Variants in CIDEA observed in about 807,000 individuals in gnomAD.
The protein encoded by CIDEA is cell death inducing DFFA like effector a, also known as lipid transferase CIDEA.
In CIDEA, 10 loss-of-function variants were observed where a neutral mutation model predicts 18.2. That is an observed-to-expected ratio of 0.55 (90% CI 0.34 to 0.93). CIDEA has a LOEUF of 0.93. CIDEA is among the 40% of genes least tolerant of loss of function. The pLI, the probability that CIDEA is intolerant of heterozygous loss-of-function variation, is 0.02. For synonymous variants in CIDEA, 128 were observed against 124.8 expected (o/e 1.03, Z -0.17); for missense variants, 309 against 293.1 (o/e 1.05, Z -0.40).
chr18:12,263,688 G>A (rs1441639056), intron 2 of CIDEA: 1 of 152,148 alleles, frequency 6.6e-6, no homozygotes, highest in Non-Finnish European at 1.5e-5. Context: ...CACCAAATAA[G>A]GAAGAATCCC....
chr18:12,270,902 T>C (rs1425549695), intron 3 of CIDEA, among the ~76,000 whole-genome samples: 10 of 136,962 alleles, frequency 7.3e-5, no homozygotes, highest in East Asian at 6.4e-4. Context: ...TTCTTTTTTT[T>C]TTTTTTTTTT....
intron 1 of CIDEA, chr18:12,254,871 C>G (rs757990835): frequency 4.5e-5 from 60 of 1,324,382 alleles, no homozygotes; most frequent in Non-Finnish European, 5.7e-5. Context: ...GAGCTGGGCG[C>G]GGGAGGGGCC....
chr18:12,267,648 C>A (rs1039303803), intron 3 of CIDEA, among the ~76,000 whole-genome samples: 1 of 152,184 alleles, frequency 6.6e-6, no homozygotes, highest in African/African-American at 2.4e-5. Flanking sequence ...CAAGCCACCA[C>A]CACGCCTGGC....
At chr18:12,274,536 G>A (rs1424998752) in intron 4 of CIDEA, among the ~76,000 whole-genome samples, 1 of 152,132 alleles carries the variant, frequency 6.6e-6, no homozygotes, top group East Asian at 1.9e-4. Context: ...ATATAAAGAG[G>A]AACCACATTC....
At chr18:12,258,591 C>T (rs1912103223) in intron 1 of CIDEA, among the ~76,000 whole-genome samples, 1 of 152,216 alleles carries the variant, frequency 6.6e-6, no homozygotes, top group Non-Finnish European at 1.5e-5. Context: ...AAGAGGGGCT[C>T]TTTCTCGCTG....
intron 1 of CIDEA, among the ~76,000 whole-genome samples, chr18:12,262,285 G>T (rs1912215163): frequency 6.6e-6 from 1 of 152,174 alleles, no homozygotes; most frequent in Non-Finnish European, 1.5e-5. Context: ...TCCAGCCACA[G>T]TTCTAAGGGT....
At chr18:12,262,713 T>A (rs1389199420) in intron 1 of CIDEA, 112 bp from the exon 2 acceptor site, 2 of 1,046,386 alleles carry the variant, frequency 1.9e-6, no homozygotes, top group Non-Finnish European at 2.8e-6. Context: ...TCCCAACAAC[T>A]GAATTTCTTT....
At chr18:12,276,777 G>A (rs1352374734) in intron 4 of CIDEA, among the ~76,000 whole-genome samples, 1 of 152,204 alleles carries the variant, frequency 6.6e-6, no homozygotes, top group African/African-American at 2.4e-5. Context: ...CACCTGTGCG[G>A]GTGCGGCCAT....
In CIDEA at chr18:12,277,463, G is replaced by T. The variant is rs182617945; in HGVS notation, c.*193G>T. On this transcript the variant is annotated 3_prime_UTR_variant, in exon 5 of 5. Coordinates refer to ENST00000320477, the MANE Select transcript of CIDEA (RefSeq NM_001279.4). The stretch of plus-strand genomic sequence containing the variant: ...GGGGGCAGTGGGCAGGGTGCCCTGG[G>T]GGGGAGGCATAGAGGGCCCTGGGGG... The T allele has an allele frequency of 1.6e-5, 10 of 640,716 alleles. No individual in the cohort carries two copies. The highest frequency in any genetic ancestry group is 4.4e-4 in the Middle Eastern group (1 of 2,294). The allele number at this position is 640,716 out of a possible 1,614,324, so 39.7% of individuals were successfully genotyped here.
In CIDEA at chr18:12,274,177, A is replaced by G. The variant is rs530879900; in HGVS notation, c.415A>G (p.Lys139Glu). 1.9e-6 allele frequency: 3 copies of G among 1,614,222 alleles called. No individual in the cohort carries two copies. The highest frequency in any genetic ancestry group is 4.5e-5 in the East Asian group (2 of 44,880). ...VTFDLYRLNP[K>E]DFIGCLNVKA... ...CTTCGACTTGTACAGGCTGAACCCCAAGGACTTCATCGGCTGCCTTAACGT... is the reference window on the plus strand; with the variant it reads ...CTTCGACTTGTACAGGCTGAACCCCGAGGACTTCATCGGCTGCCTTAACGT... The change falls in exon 4 of 5, where the codon AAG becomes GAG. Residue 139 changes from lysine to glutamate, a missense_variant. Coordinates refer to ENST00000320477, the MANE Select transcript of CIDEA (RefSeq NM_001279.4).
At chr18:12,254,934 A>G (rs2144052372) in intron 1 of CIDEA, 1 of 1,235,222 alleles carries the variant, frequency 8.1e-7, no homozygotes, top group African/African-American at 1.6e-5. Flanking sequence ...GGGAGGCCCC[A>G]ACCGTCCGGC....
chr18:12,262,817 AT>A lies in CIDEA; in HGVS notation c.39-4del. ...TTAAAAAGTTTTACTTTTCACCTCC[AT>A]TTTCAGGCCCCTGACATTTATGGGA... is the stretch of plus-strand genomic sequence containing the variant. On this transcript the variant is annotated splice_polypyrimidine_tract_variant and splice_region_variant and intron_variant, in intron 1 of 4. Coordinates refer to ENST00000320477, the MANE Select transcript of CIDEA (RefSeq NM_001279.4). 1 of 1,607,768 alleles carries A rather than the reference AT, an allele frequency of 6.2e-7. No homozygotes were observed. The highest frequency in any genetic ancestry group is 8.5e-7 in the Non-Finnish European group (1 of 1,174,840).
In CIDEA at chr18:12,277,346, T is replaced by C; in HGVS notation, c.*76T>C. 1 of 1,537,996 alleles carries C rather than the reference T, an allele frequency of 6.5e-7. No homozygotes were observed. The highest frequency in any genetic ancestry group is 8.9e-7 in the Non-Finnish European group (1 of 1,124,152). On this transcript the variant is annotated 3_prime_UTR_variant, in exon 5 of 5. Coordinates refer to ENST00000320477, the MANE Select transcript of CIDEA (RefSeq NM_001279.4). Reference sequence around the variant, plus strand: ...TCAATGACGAATGTTGAAGATGCTTTTATGTTCTGAGCCACATGCACTTGG... The same window carrying C: ...TCAATGACGAATGTTGAAGATGCTTCTATGTTCTGAGCCACATGCACTTGG...
intron 3 of CIDEA, 92 bp downstream of exon 3, chr18:12,264,545 TC>T: frequency 1.1e-6 from 1 of 920,874 alleles, no homozygotes. Flanking sequence ...TTGTCCACTT[TC>T]TTTCTTTTTT....
At chr18:12,269,497 C>T (rs1407907899) in intron 3 of CIDEA, among the ~76,000 whole-genome samples, 1 of 152,216 alleles carries the variant, frequency 6.6e-6, no homozygotes. Flanking sequence ...TTGGCCTCCT[C>T]TGTTACAGTG....
intron 1 of CIDEA, chr18:12,254,657 T>G (rs2144051435): frequency 6.6e-7 from 1 of 1,526,018 alleles, no homozygotes; most frequent in Non-Finnish European, 8.8e-7. Flanking sequence ...CTCACCCTCT[T>G]GCAGCTGGGC....
chr18:12,264,802 C>T (rs1375942488), intron 3 of CIDEA, among the ~76,000 whole-genome samples: 4 of 152,218 alleles, frequency 2.6e-5, no homozygotes, highest in Non-Finnish European at 5.9e-5. Flanking sequence ...ATCCGCCCGC[C>T]TCTGCCTCCC....
chr18:12,262,481 C>A (rs1194805662), intron 1 of CIDEA, among the ~76,000 whole-genome samples: 1 of 152,196 alleles, frequency 6.6e-6, no homozygotes, highest in African/African-American at 2.4e-5. Flanking sequence ...CACTAGAAAT[C>A]ATTCTTTTGG....
At chr18:12,270,958 G>A (rs1165143799) in intron 3 of CIDEA, among the ~76,000 whole-genome samples, 3 of 132,606 alleles carry the variant, frequency 2.3e-5, no homozygotes, top group African/African-American at 8.6e-5. Flanking sequence ...GAGTGCAATG[G>A]CGTGATCTGG....
Sources: gnomAD v4.1 joint callset for allele counts (sites outside exome capture counted in the v4.1 genomes callset) on GRCh38, gnomAD v4.1.1 for gene constraint, MANE v1.5 for transcripts, NCBI Gene and HGNC (gene_info 2026-07-23, HGNC 2026-07-21) for gene names.